The following WDR33 variants were observed in gnomAD, a reference collection of about 807,000 sequenced individuals.
The protein encoded by WDR33 is pre-mRNA 3' end processing protein WDR33.
WDR33 carries 47 observed loss-of-function variants against 164.9 expected under a neutral mutation model. That is an observed-to-expected ratio of 0.29 (90% CI 0.23 to 0.36). The LOEUF is 0.36. Ranked by LOEUF, WDR33 falls within the 10% of genes least tolerant of loss-of-function variation. The pLI is 1.00. For missense variants in WDR33, 1,137 were observed against 1,754.1 expected, an observed-to-expected ratio of 0.65 and a Z score of 6.28; for synonymous variants, 505 against 589.0, an observed-to-expected ratio of 0.86 and a Z score of 2.06.
intron 7 of WDR33, among the ~76,000 whole-genome samples, chr2:127,752,169 C>T (rs1326035603): frequency 6.6e-6 from 1 of 152,206 alleles, no homozygotes; most frequent in Non-Finnish European, 1.5e-5. Context: ...TTTACCAGAG[C>T]TATCACTTGT....
At chr2:127,743,794 C>G (rs114053670) in intron 7 of WDR33, among the ~76,000 whole-genome samples, 1 of 152,054 alleles carries the variant, frequency 6.6e-6, no homozygotes, top group African/African-American at 2.4e-5. Context: ...ATGACAAAAA[C>G]GAGGAGGTAG....
chr2:127,744,767 C>T (rs899118350), intron 7 of WDR33, among the ~76,000 whole-genome samples: 1 of 152,200 alleles, frequency 6.6e-6, no homozygotes, highest in Non-Finnish European at 1.5e-5. Context: ...TCTTCCACCA[C>T]AGATCTCAGG....
Position 127,711,768 on chromosome 2 carries a change from A to ATTTTTTTTTTTTTTTTTTTTTT in WDR33, c.3308+1814_3308+1815insAAAAAAAAAAAAAAAAAAAAAA. On this transcript the variant is annotated intron_variant, in intron 18 of 21. Coordinates refer to ENST00000322313, the MANE Select transcript of WDR33 (RefSeq NM_018383.5). ...CATATACAGATATATATATATATAT[A>ATTTTTTTTTTTTTTTTTTTTTT]TATATATATATATTTTTTTTTTGAG... 2.8e-5 allele frequency among the ~76,000 whole-genome samples: 2 copies of ATTTTTTTTTTTTTTTTTTTTTT among 70,268 alleles called. 1 individual carries two copies. The highest frequency in any genetic ancestry group is 2.2e-4 in the African/African-American group (2 of 8,998). The allele number at this position is 70,268 out of a possible 152,430, so 46.1% of individuals were successfully genotyped here.
intron 1 of WDR33, among the ~76,000 whole-genome samples, chr2:127,790,068 C>T (rs995909001): frequency 6.6e-6 from 1 of 152,108 alleles, no homozygotes; most frequent in African/African-American, 2.4e-5. Context: ...ATCTCCTAGG[C>T]TCAAGAGATA....
In WDR33 at chr2:127,719,245, G is replaced by A. The variant is rs758935217; in HGVS notation, c.2760+20C>T. On this transcript the variant is annotated intron_variant, in intron 16 of 21. Transcript: ENST00000322313. The surrounding 1 kb of genome is among the most constrained non-coding windows in gnomAD (Gnocchi z 6.5). ...GAGTGTATTTTCCCAATGTGCCCGT[G>A]AGTTGGAAATGAATAATACCTGGTT... The A allele has an allele frequency of 7.1e-7, 1 of 1,400,204 alleles. No homozygotes were observed. The highest frequency in any genetic ancestry group is 9.3e-7 in the Non-Finnish European group (1 of 1,077,370). 86.7% of individuals were successfully genotyped at this position (1,400,204 alleles called of 1,614,324 possible). A position where few individuals can be genotyped will look rare whatever the true frequency, so the allele number is the denominator to read the frequency against.
chr2:127,801,228 A>T (rs1204412583), intron 1 of WDR33, among the ~76,000 whole-genome samples: 1 of 152,154 alleles, frequency 6.6e-6, no homozygotes. Context: ...AGGCACAGTG[A>T]GCTATGATTA....
intron 1 of WDR33, among the ~76,000 whole-genome samples, chr2:127,794,440 G>C (rs1383133184): frequency 1.3e-5 from 2 of 151,918 alleles, no homozygotes; most frequent in African/African-American, 4.8e-5. Flanking sequence ...GGCAGAGGTT[G>C]CAGTGAGTCA....
At position 127,764,205 on chromosome 2, in the gene WDR33, A is replaced by G. The variant is rs1198235832; in HGVS notation, c.626+623T>C. On this transcript the variant is annotated intron_variant, in intron 6 of 21. Coordinates refer to ENST00000322313, the MANE Select transcript of WDR33 (RefSeq NM_018383.5). This position sits in a 1 kb window ranked among gnomAD's most constrained non-coding sequence, Gnocchi z 6.2. The stretch of plus-strand genomic sequence containing the variant: ...AACTCCACTTATTGTATACATTTGC[A>G]TAAGTGATGTTATCAACAGTGAATC... 9.3e-7 allele frequency: 1 copy of G among 1,073,534 alleles called. No individual in the cohort carries two copies. Among genetic ancestry groups the G allele is most frequent in the African/African-American group, 1.7e-5 (1 of 59,990 alleles). The allele number at this position is 1,073,534 out of a possible 1,614,324, so 66.5% of individuals were successfully genotyped here.
chr2:127,762,885 C>A (rs1012382508), intron 7 of WDR33, 177 bp downstream of exon 7: 1 of 1,409,022 alleles, frequency 7.1e-7, no homozygotes, highest in Non-Finnish European at 9.2e-7. Context: ...GTAGTAAAAA[C>A]CTACAAAATG....
intron 7 of WDR33, among the ~76,000 whole-genome samples, chr2:127,755,289 T>C (rs1558939068): frequency 6.6e-6 from 1 of 152,186 alleles, no homozygotes; most frequent in Non-Finnish European, 1.5e-5. Context: ...TCTACATTAA[T>C]ATAAACTGTT....
chr2:127,775,434 C>T (rs1285678986), intron 1 of WDR33, among the ~76,000 whole-genome samples: 2 of 152,184 alleles, frequency 1.3e-5, no homozygotes, highest in African/African-American at 2.4e-5. Context: ...GGTGATCCAC[C>T]GGCCTTGGCC....
rs1252601226 is a variant in WDR33, at chr2:127,702,699, A to G, written c.*3624T>C. On this transcript the variant is annotated 3_prime_UTR_variant, in exon 22 of 22. Coordinates refer to ENST00000322313, the MANE Select transcript of WDR33 (RefSeq NM_018383.5). Reference sequence around the variant, plus strand: ...ACCGAATTCAGCCACTGGACTTTTAAAAGTACTTAAGATGGTTTATCTCGG... The same window carrying G: ...ACCGAATTCAGCCACTGGACTTTTAGAAGTACTTAAGATGGTTTATCTCGG... The G allele has an allele frequency of 1.2e-5, 2 of 167,118 alleles. No individual in the cohort carries two copies. Among genetic ancestry groups the G allele is most frequent in the African/African-American group, 4.8e-5 (2 of 41,460 alleles). 10.4% of individuals were successfully genotyped at this position (167,118 alleles called of 1,614,324 possible).
chr2:127,725,545 C>G (rs1487703014), intron 8 of WDR33, among the ~76,000 whole-genome samples: 2 of 152,032 alleles, frequency 1.3e-5, no homozygotes, highest in Admixed American at 1.3e-4. Flanking sequence ...ACCAGCCTGG[C>G]CAACATGGTG....
chr2:127,740,010 C>G (rs1484046406), intron 7 of WDR33, among the ~76,000 whole-genome samples: 2 of 152,144 alleles, frequency 1.3e-5, no homozygotes, highest in Non-Finnish European at 2.9e-5. Flanking sequence ...TGAGAGACCA[C>G]CATTACATTC....
Position 127,701,683 on chromosome 2 carries a change from C to G in WDR33, c.*4640G>C. ...CTGGGCCGCGCGGGCTTGCGCTGGA[C>G]GTGGGCGCGGAGCCCTGCGGAGTCG... On this transcript the variant is annotated 3_prime_UTR_variant, in exon 22 of 22. Transcript: ENST00000322313. 3.1e-6 allele frequency: 4 copies of G among 1,299,614 alleles called. No individual in the cohort carries two copies. Among genetic ancestry groups the G allele is most frequent in the Non-Finnish European group, 3.9e-6 (4 of 1,029,494 alleles). 80.5% of individuals were successfully genotyped at this position (1,299,614 alleles called of 1,614,324 possible).
intron 1 of WDR33, among the ~76,000 whole-genome samples, chr2:127,794,833 C>CAAA (rs990234716): frequency 3.9e-4 from 31 of 79,284 alleles, no homozygotes; most frequent in African/African-American, 1.1e-3. Flanking sequence ...GACTCCGTTT[C>CAAA]AAAAAAAAAA....
At chr2:127,778,455 A>G (rs1688261624) in intron 1 of WDR33, among the ~76,000 whole-genome samples, 1 of 150,232 alleles carries the variant, frequency 6.7e-6, no homozygotes, top group South Asian at 2.1e-4. Context: ...AAAAAAAAAG[A>G]AAAAAGAAAC....
intron 1 of WDR33, among the ~76,000 whole-genome samples, chr2:127,783,500 C>G (rs1032409704): frequency 1.3e-5 from 2 of 148,230 alleles, no homozygotes; most frequent in Non-Finnish European, 3.0e-5. Context: ...TAAAGTGCAA[C>G]AAAATTTGGG....
chr2:127,795,834 C>T (rs1421451647), intron 1 of WDR33, among the ~76,000 whole-genome samples: 6 of 143,220 alleles, frequency 4.2e-5, no homozygotes, highest in South Asian at 2.4e-4. Flanking sequence ...GCTTTGTCTC[C>T]GGAAAAAAAA....
Sources: gnomAD v4.1 joint callset for allele counts (sites outside exome capture counted in the v4.1 genomes callset) on GRCh38, gnomAD v4.1.1 for gene constraint, Gnocchi (gnomAD v3.1) non-coding constraint, MANE v1.5 for transcripts, NCBI Gene and HGNC (gene_info 2026-07-23, HGNC 2026-07-21) for gene names.